CUX1: variants seen among roughly 807,000 people sequenced by gnomAD.
CUX1 encodes the protein cut like homeobox 1.
Under a neutral mutation model 158.8 loss-of-function variants are expected in CUX1, and 31 were observed. That is an observed-to-expected ratio of 0.20 (90% CI 0.15 to 0.26). The LOEUF is 0.26. Among genes scored for constraint, CUX1 ranks in the 10% least tolerant of loss-of-function variants. The pLI is 1.00. For missense variants in CUX1, 1,589 were observed against 2,014.6 expected (o/e 0.79, Z 4.04); for synonymous variants, 879 against 862.1 (o/e 1.02, Z -0.34).
At chr7:101,835,484 T>C (rs1794523168) in intron 1 of CUX1, among the ~76,000 whole-genome samples, 1 of 152,222 alleles carries the variant, frequency 6.6e-6, no homozygotes, top group African/African-American at 2.4e-5. Flanking sequence ...TTTGTATGAA[T>C]GCAGTTTTCC....
At chr7:101,827,242 C>CTCCTTCTCTTCTCTTCTCTTCTCT (rs1562893077) in intron 1 of CUX1, among the ~76,000 whole-genome samples, 27 of 69,618 alleles carry the variant, frequency 3.9e-4, no homozygotes, top group Admixed American at 2.9e-4. Context: ...CTCCCCTCCC[C>CTCCTTCTCTTCTCTTCTCTTCTCT]TCCTTCTCTT....
intron 18 of CUX1, among the ~76,000 whole-genome samples, chr7:102,278,987 C>CT (rs1791840724): frequency 6.6e-6 from 1 of 152,160 alleles, no homozygotes; most frequent in Middle Eastern, 3.4e-3. Context: ...CTGCAGTGAG[C>CT]TGAGATCCAG....
intron 18 of CUX1, among the ~76,000 whole-genome samples, chr7:102,203,485 A>AG (rs563220978): frequency 3.5e-4 from 53 of 152,280 alleles, no homozygotes; most frequent in South Asian, 1.2e-3. Context: ...CAAAAGGTGA[A>AG]GGGGGGCGAC....
Position 101,831,934 on chromosome 7 carries a change from G to A in CUX1, c.30+14265G>A, listed in dbSNP as rs191766764. Among the ~76,000 whole-genome samples, 752 of 151,952 alleles carry A rather than the reference G, an allele frequency of 4.9e-3. 2 individuals are homozygous for A. The highest frequency in any genetic ancestry group is 7.9e-3 in the Non-Finnish European group (538 of 67,950). ...CTTTTTTGTATTTTTTGTAGAGATG[G>A]GGGGGTCTCACTGTGTTGCCCAGGC... On this transcript the variant is annotated intron_variant, in intron 1 of 23. Coordinates refer to ENST00000292535, the MANE Select transcript of CUX1 (RefSeq NM_181552.4).
intron 20 of CUX1, among the ~76,000 whole-genome samples, chr7:102,208,237 AGTGTGTGT>A (rs60400914): frequency 3.3e-5 from 5 of 150,970 alleles, no homozygotes; most frequent in Non-Finnish European, 7.4e-5. Context: ...CAGTATATGG[AGTGTGTGT>A]GTGTGTGTGT....
At chr7:101,986,121 A>C (rs550770335) in intron 2 of CUX1, among the ~76,000 whole-genome samples, 1 of 152,310 alleles carries the variant, frequency 6.6e-6, no homozygotes, top group South Asian at 2.1e-4. Context: ...CCCCTCACAG[A>C]CAATTCAGGA....
chr7:101,892,619 T>G (rs958854416), intron 1 of CUX1, among the ~76,000 whole-genome samples: 2 of 152,218 alleles, frequency 1.3e-5, no homozygotes, highest in Admixed American at 6.5e-5. Flanking sequence ...AAAATGTGCT[T>G]TCTGTTCCTA....
At chr7:101,894,710 C>T (rs528243283) in intron 1 of CUX1, among the ~76,000 whole-genome samples, 20 of 152,272 alleles carry the variant, frequency 1.3e-4, no homozygotes, top group Non-Finnish European at 2.5e-4. Context: ...CATAACAGCA[C>T]GCTTCAATTC....
intron 3 of CUX1, among the ~76,000 whole-genome samples, chr7:102,034,170 C>CAAAAAA (rs1821146143): frequency 7.7e-5 from 4 of 51,688 alleles, no homozygotes; most frequent in Non-Finnish European, 1.6e-4. Flanking sequence ...AAAAAAAAGT[C>CAAAAAA]AGTCTTATTA....
rs1214651569 is a variant in CUX1, at chr7:102,248,800, G to T, written c.4276G>T (p.Ala1426Ser). 2.8e-6 allele frequency: 3 copies of T among 1,088,952 alleles called. No individual in the cohort carries two copies. Among genetic ancestry groups the T allele is most frequent in the East Asian group, 5.2e-5 (1 of 19,106 alleles). The allele number at this position is 1,088,952 out of a possible 1,614,324, so 67.5% of individuals were successfully genotyped here. A position where few individuals can be genotyped will look rare whatever the true frequency, so the allele number is the denominator to read the frequency against. Residue 1426 changes from alanine to serine, a missense_variant, in exon 24 of 24, where the codon GCC (alanine) becomes TCC (serine). Physicochemically the swap from Ala to Ser is moderately conservative, Grantham distance 99 (BLOSUM62 1). This residue lies in a region of CUX1 where 344 missense variants were observed against 323.7 expected (regional missense o/e 1.06). Coordinates refer to ENST00000292535, the MANE Select transcript of CUX1 (RefSeq NM_181552.4). This position sits in a 1 kb window ranked among gnomAD's most constrained non-coding sequence, Gnocchi z 5.8. ...CGAGGACGCCGCTACCTCAGCCGCC[G>T]CCGCGCCGGGGGAGGGCCCCGCGGC... is the stretch of plus-strand genomic sequence containing the variant. ...APEDAATSAA[A>S]APGEGPAAPS...
chr7:101,830,524 C>G (rs1033668779), intron 1 of CUX1, among the ~76,000 whole-genome samples: 1 of 152,176 alleles, frequency 6.6e-6, no homozygotes, highest in African/African-American at 2.4e-5. Context: ...GGGATCATAG[C>G]TCTCTGCAAC....
At chr7:101,833,363 A>G (rs1794267143) in intron 1 of CUX1, among the ~76,000 whole-genome samples, 1 of 151,798 alleles carries the variant, frequency 6.6e-6, no homozygotes, top group Admixed American at 6.6e-5. Context: ...AGCATGGGCA[A>G]CAGTGAGACC....
chr7:102,155,120 T>C (rs971903835), intron 8 of CUX1, among the ~76,000 whole-genome samples: 5 of 152,154 alleles, frequency 3.3e-5, no homozygotes, highest in Admixed American at 2.0e-4. Context: ...CAGGAAACTT[T>C]TAGGGGTCTG....
chr7:101,931,943 GT>G (rs1563026001), intron 2 of CUX1, among the ~76,000 whole-genome samples: 1 of 152,168 alleles, frequency 6.6e-6, no homozygotes, highest in Non-Finnish European at 1.5e-5. Flanking sequence ...GCATTTTCAA[GT>G]TTTGATTGAT....
chr7:101,972,059 C>T (rs1349187030), intron 2 of CUX1, among the ~76,000 whole-genome samples: 3 of 152,194 alleles, frequency 2.0e-5, no homozygotes, highest in South Asian at 2.1e-4. Context: ...CTCCGCCTCC[C>T]GGGTTCACGC....
At position 101,982,007 on chromosome 7, in the gene CUX1, G is replaced by A. The variant is rs115073051; in HGVS notation, c.142-46091G>A. ...TGTTGCTTTCTGTATTCACCAAGAT[G>A]GCCTAAAATAAGCAAGCAGAAAAGG... On this transcript the variant is annotated intron_variant, in intron 2 of 23. Coordinates refer to ENST00000292535, the MANE Select transcript of CUX1 (RefSeq NM_181552.4). Among the ~76,000 whole-genome samples, 172 of 152,218 alleles carry A rather than the reference G, an allele frequency of 1.1e-3. 1 individual carries two copies. The highest frequency in any genetic ancestry group is 4.1e-3 in the African/African-American group (169 of 41,546).
intron 1 of CUX1, among the ~76,000 whole-genome samples, chr7:101,818,212 A>T (rs1443420190): frequency 1.3e-5 from 2 of 152,238 alleles, no homozygotes; most frequent in African/African-American, 2.4e-5. Flanking sequence ...AGATTCCTGG[A>T]TGTAATGAAC....
intron 8 of CUX1, among the ~76,000 whole-genome samples, chr7:102,124,982 A>G (rs782289013): frequency 5.0e-4 from 76 of 152,092 alleles, no homozygotes; most frequent in Non-Finnish European, 2.2e-4. Context: ...GGGTTTCGCC[A>G]TGTTGGCCAG....
chr7:102,267,309 G>A (rs1790884700), intron 14 of CUX1, among the ~76,000 whole-genome samples: 1 of 152,062 alleles, frequency 6.6e-6, no homozygotes, highest in African/African-American at 2.4e-5. Flanking sequence ...TGAGGTGGGT[G>A]GATCACCTCA....
Sources: gnomAD v4.1 joint callset for allele counts (sites outside exome capture counted in the v4.1 genomes callset) on GRCh38, gnomAD v4.1.1 for gene constraint, gnomAD v4.1.1 regional missense constraint, Gnocchi (gnomAD v3.1) non-coding constraint, MANE v1.5 for transcripts, NCBI Gene and HGNC (gene_info 2026-07-23, HGNC 2026-07-21) for gene names.